PCOLCE2: variants seen among roughly 807,000 people sequenced by gnomAD.
PCOLCE2 encodes procollagen C-proteinase enhancer 2.
Under a neutral mutation model 47.0 loss-of-function variants are expected in PCOLCE2, and 42 were observed. The observed-to-expected ratio is 0.89, with a 90% CI of 0.70 to 1.16. The LOEUF (loss-of-function observed/expected upper bound fraction) is 1.16, where lower values mean the gene tolerates loss of function less well. Ranked by LOEUF, PCOLCE2 falls within the 50% of genes most tolerant of loss-of-function variation. PCOLCE2 has a pLI of 0.00. For missense variants in PCOLCE2, 500 were observed against 526.1 expected (o/e 0.95, Z 0.49); for synonymous variants, 169 against 191.7 (o/e 0.88, Z 0.98).
chr3:142,826,865 C>T (rs1937085618), intron 6 of PCOLCE2, among the ~76,000 whole-genome samples: 1 of 152,166 alleles, frequency 6.6e-6, no homozygotes, highest in Non-Finnish European at 1.5e-5. Context: ...CACACATCCT[C>T]CCAGTTCTCC....
intron 5 of PCOLCE2, among the ~76,000 whole-genome samples, chr3:142,831,680 T>C (rs1366464876): frequency 2.0e-5 from 3 of 152,174 alleles, no homozygotes; most frequent in Non-Finnish European, 2.9e-5. Flanking sequence ...AAATAAAACA[T>C]GTTAATTTTG....
rs146194396 is a variant in PCOLCE2, at chr3:142,861,626, A to C, written c.193-13154T>G. 5.8e-3 allele frequency among the ~76,000 whole-genome samples: 873 copies of C among 151,426 alleles called. 9 individuals are homozygous for C. The highest frequency in any genetic ancestry group is 0.02 in the African/African-American group (811 of 41,356). ...CATCTCCCTGAGGACGATAATGATT[A>C]TTATTTTGACATTTTCTTCTGCTCT... On this transcript the variant is annotated intron_variant, in intron 2 of 8. Transcript: ENST00000295992.
At chr3:142,870,569 A>G (rs1933369643) in intron 2 of PCOLCE2, among the ~76,000 whole-genome samples, 1 of 152,164 alleles carries the variant, frequency 6.6e-6, no homozygotes, top group African/African-American at 2.4e-5. Flanking sequence ...CTTATTTTCA[A>G]TGTAAAATTG....
chr3:142,878,836 A>G, intron 2 of PCOLCE2, among the ~76,000 whole-genome samples: 1 of 151,826 alleles, frequency 6.6e-6, no homozygotes, highest in Non-Finnish European at 1.5e-5. Context: ...ACTGGGTGAA[A>G]AGTGAGACTT....
rs117311554 is a variant in PCOLCE2, at chr3:142,871,519, G to C, written c.192+16150C>G. The stretch of plus-strand genomic sequence containing the variant: ...CAGTAATCTAGGTGTTGCTGTGAAG[G>C]TGTTTTGTAGATGTGGTTAACATGT... On this transcript the variant is annotated intron_variant, in intron 2 of 8. Transcript: ENST00000295992. Among the ~76,000 whole-genome samples, 1,027 of 152,316 alleles carry C rather than the reference G, an allele frequency of 6.7e-3. 18 individuals carry two copies. The highest frequency in any genetic ancestry group is 0.04 in the East Asian group (209 of 5,180).
chr3:142,827,284 C>A lies in PCOLCE2; in HGVS notation c.865+2408G>T, dbSNP rs878979558. On this transcript the variant is annotated intron_variant, in intron 6 of 8. Coordinates refer to ENST00000295992, the MANE Select transcript of PCOLCE2 (RefSeq NM_013363.4). ...TGGCCACATCCCATACTCGTGGCCA[C>A]CAGTTCCTCTTTGCCTTATATTTGT... The A allele has an allele frequency of 1.2e-5, 16 of 1,307,316 alleles. No homozygotes were observed. In the African/African-American group the frequency reaches 2.0e-4, roughly 17 times the overall value. 81.0% of individuals were successfully genotyped at this position (1,307,316 alleles called of 1,614,324 possible). A position where few individuals can be genotyped will look rare whatever the true frequency, so the allele number is the denominator to read the frequency against.
At chr3:142,864,883 A>C (rs1933251263) in intron 2 of PCOLCE2, among the ~76,000 whole-genome samples, 8 of 152,196 alleles carry the variant, frequency 5.3e-5, no homozygotes, top group Admixed American at 5.2e-4. Context: ...AATATGCCAC[A>C]TATTTATCCA....
At chr3:142,844,094 G>A (rs1937297804) in intron 3 of PCOLCE2, among the ~76,000 whole-genome samples, 1 of 152,070 alleles carries the variant, frequency 6.6e-6, no homozygotes, top group African/African-American at 2.4e-5. Flanking sequence ...AGGTTTTGGG[G>A]AGAGAAATTC....
rs142639542 is a variant in PCOLCE2, at chr3:142,848,589, C to G, written c.193-117G>C. The G allele has an allele frequency of 2.9e-4, 266 of 916,910 alleles. 1 individual carries two copies. The African/African-American group carries it at 4.1e-3, about 14-fold the overall frequency. 56.8% of individuals were successfully genotyped at this position (916,910 alleles called of 1,614,324 possible). The stretch of plus-strand genomic sequence containing the variant: ...TATCCAAGATAATGCTTTTTCCTCT[C>G]TCATATCTGAACTAACCCAAGGGAA... On this transcript the variant is annotated intron_variant, in intron 2 of 8. Transcript: ENST00000295992.
intron 2 of PCOLCE2, among the ~76,000 whole-genome samples, chr3:142,885,028 T>C (rs1933692908): frequency 1.3e-5 from 2 of 152,160 alleles, no homozygotes; most frequent in South Asian, 2.1e-4. Flanking sequence ...CTATAAAAAT[T>C]TTAAAGTACT....
chr3:142,858,082 G>A (rs759477118), intron 2 of PCOLCE2, among the ~76,000 whole-genome samples: 16 of 152,174 alleles, frequency 1.1e-4, no homozygotes, highest in Non-Finnish European at 1.5e-4. Flanking sequence ...ACCTTCTCGA[G>A]GAACTCATCC....
intron 2 of PCOLCE2, among the ~76,000 whole-genome samples, chr3:142,853,117 AG>A (rs1348678326): frequency 6.6e-6 from 1 of 150,948 alleles, no homozygotes; most frequent in African/African-American, 2.4e-5. Flanking sequence ...AAAAAAAAAA[AG>A]GGAAAATGGG....
Position 142,818,179 on chromosome 3 carries a change from G to A in PCOLCE2, c.*156C>T, listed in dbSNP as rs202229415. The A allele has an allele frequency of 2.6e-5, 16 of 615,738 alleles. No homozygotes were observed. The East Asian group carries it at 3.2e-4, about 12-fold the overall frequency. The allele number at this position is 615,738 out of a possible 1,614,324, so 38.1% of individuals were successfully genotyped here. A position where few individuals can be genotyped will look rare whatever the true frequency, so the allele number is the denominator to read the frequency against. On this transcript the variant is annotated 3_prime_UTR_variant, in exon 9 of 9. Transcript: ENST00000295992. Reference sequence around the variant, plus strand: ...AGAACTTCCCTCAGCTATCTCGGAGGCCTCATACCTCCATCATGTGAAGAG... The same window carrying A: ...AGAACTTCCCTCAGCTATCTCGGAGACCTCATACCTCCATCATGTGAAGAG...
chr3:142,872,984 T>A (rs1933424137), intron 2 of PCOLCE2, among the ~76,000 whole-genome samples: 1 of 152,248 alleles, frequency 6.6e-6, no homozygotes, highest in South Asian at 2.1e-4. Context: ...TTTTATTTAA[T>A]GTTATAAATG....
At chr3:142,865,340 C>T (rs1049011938) in intron 2 of PCOLCE2, among the ~76,000 whole-genome samples, 5 of 151,872 alleles carry the variant, frequency 3.3e-5, no homozygotes, top group Non-Finnish European at 5.9e-5. Context: ...AAATTGTCAA[C>T]CCTAAAGTAC....
intron 3 of PCOLCE2, among the ~76,000 whole-genome samples, chr3:142,846,242 A>G (rs921575857): frequency 1.3e-5 from 2 of 151,986 alleles, no homozygotes; most frequent in African/African-American, 4.8e-5. Flanking sequence ...TCTGTTGCCC[A>G]GGTTGGAGGG....
At position 142,887,688 on chromosome 3, in the gene PCOLCE2, T is replaced by G. The variant is rs778349443; in HGVS notation, c.173A>C (p.Lys58Thr). ...GFPGVYPPNSKCTWKITVPEG... is the reference protein window; with the variant it reads ...GFPGVYPPNSTCTWKITVPEG... ...GCTTACTGTGATTTTCCAAGTACATTTGCTATTTGGAGGGTACACTCCAGG... is the reference window on the plus strand; with the variant it reads ...GCTTACTGTGATTTTCCAAGTACATGTGCTATTTGGAGGGTACACTCCAGG... Residue 58 changes from lysine to threonine, a missense_variant, in exon 2 of 9, where the codon AAA becomes ACA. By Grantham distance (78) the Lys-to-Thr change is moderately conservative. Transcript: ENST00000295992. The G allele has an allele frequency of 2.5e-6, 4 of 1,579,986 alleles. No individual in the cohort carries two copies. The highest frequency in any genetic ancestry group is 3.5e-6 in the Non-Finnish European group (4 of 1,149,158).
chr3:142,838,806 C>T lies in PCOLCE2; in HGVS notation c.674G>A (p.Arg225Lys). ...VFNGGEVNDA[R>K]RIGKYCGDSP... ...ATCACCACAATACTTTCCAATTCTT[C>T]TAGCATCGTTGACTTCCCCGCCATT... The change falls in exon 5 of 9, where the codon AGA (arginine) becomes AAA (lysine). Residue 225 changes from arginine (R) to lysine (K), a missense_variant. Coordinates refer to ENST00000295992, the MANE Select transcript of PCOLCE2 (RefSeq NM_013363.4). 1 of 1,613,956 alleles carries T rather than the reference C, an allele frequency of 6.2e-7. No homozygotes were observed. Among genetic ancestry groups the T allele is most frequent in the African/African-American group, 1.3e-5 (1 of 75,032 alleles).
chr3:142,842,850 T>C lies in PCOLCE2; in HGVS notation c.573+74A>G, dbSNP rs978608715. On this transcript the variant is annotated intron_variant, in intron 4 of 8. Transcript: ENST00000295992. This position sits in a 1 kb window ranked among gnomAD's most constrained non-coding sequence, Gnocchi z 4.1. ...GAATAGCCCCCACAACAGGAGGCTC[T>C]TGAGAGTTGGTGGGCCCCCCACACT... 11 of 1,495,956 alleles carry C rather than the reference T, an allele frequency of 7.4e-6. No homozygotes were observed. Among genetic ancestry groups the C allele is most frequent in the African/African-American group, 1.4e-5 (1 of 72,540 alleles). The allele number at this position is 1,495,956 out of a possible 1,614,324, so 92.7% of individuals were successfully genotyped here.
Sources: gnomAD v4.1 joint callset for allele counts (sites outside exome capture counted in the v4.1 genomes callset) on GRCh38, gnomAD v4.1.1 for gene constraint, Gnocchi (gnomAD v3.1) non-coding constraint, MANE v1.5 for transcripts, NCBI Gene and HGNC (gene_info 2026-07-23, HGNC 2026-07-21) for gene names.